GALNT13: variants seen among roughly 807,000 people sequenced by gnomAD.
GALNT13 encodes the protein polypeptide N-acetylgalactosaminyltransferase 13.
GALNT13 carries 28 observed loss-of-function variants against 64.2 expected under a neutral mutation model. The observed-to-expected ratio is 0.44, with a 90% confidence interval of 0.32 to 0.60. The LOEUF is 0.60. Among genes scored for constraint, GALNT13 ranks in the 20% least tolerant of loss-of-function variants. GALNT13 has a pLI of 0.05. For synonymous variants in GALNT13, 214 were observed against 224.6 expected (o/e 0.95, Z 0.42); for missense variants, 577 against 669.8 (o/e 0.86, Z 1.53).
At chr2:153,163,508 A>G in the GALNT13 span, among the ~76,000 whole-genome samples, 1 of 152,170 alleles carries the variant, frequency 6.6e-6, no homozygotes, top group Non-Finnish European at 1.5e-5. Flanking sequence ...GCACTGGTGA[A>G]TCTAGGCCTG....
At chr2:153,653,424 A>G in the GALNT13 span, among the ~76,000 whole-genome samples, 1 of 152,334 alleles carries the variant, frequency 6.6e-6, no homozygotes, top group East Asian at 1.9e-4. Context: ...TGAGTGAGAA[A>G]TTATTGTAAA....
intron 11 of GALNT13, among the ~76,000 whole-genome samples, chr2:154,431,905 T>C (rs1196457101): frequency 6.6e-6 from 1 of 152,180 alleles, no homozygotes; most frequent in Non-Finnish European, 1.5e-5. Context: ...ATTGTGAGCC[T>C]CCCCAGCTAT....
the GALNT13 span, among the ~76,000 whole-genome samples, chr2:153,780,054 G>A: frequency 1.3e-5 from 2 of 151,716 alleles, no homozygotes; most frequent in South Asian, 2.1e-4. Context: ...CGGGTGAACT[G>A]CCTTCTTATC....
the GALNT13 span, among the ~76,000 whole-genome samples, chr2:153,802,971 T>C: frequency 3.3e-5 from 5 of 152,258 alleles, no homozygotes; most frequent in Admixed American, 1.3e-4. Context: ...ATCTTGATTC[T>C]GCTACTTTCT....
the GALNT13 span, among the ~76,000 whole-genome samples, chr2:153,327,179 C>A: frequency 6.6e-6 from 1 of 152,186 alleles, no homozygotes; most frequent in African/African-American, 2.4e-5. Flanking sequence ...TGCTGTTAGT[C>A]TGATGGGCTT....
chr2:154,240,474 T>A (rs566650654), intron 4 of GALNT13, among the ~76,000 whole-genome samples: 1 of 152,308 alleles, frequency 6.6e-6, no homozygotes, highest in African/African-American at 2.4e-5. Context: ...AATTAGAATC[T>A]GCATTTGAAT....
At chr2:154,164,539 A>G (rs1684915451) in intron 4 of GALNT13, among the ~76,000 whole-genome samples, 1 of 152,140 alleles carries the variant, frequency 6.6e-6, no homozygotes, top group South Asian at 2.1e-4. Context: ...TAAACTTGGT[A>G]TCCAGAGAAA....
the GALNT13 span, among the ~76,000 whole-genome samples, chr2:153,364,990 T>C: frequency 6.6e-6 from 1 of 152,132 alleles, no homozygotes; most frequent in South Asian, 2.1e-4. Flanking sequence ...GACTTCAAAC[T>C]ACACTGGAAG....
chr2:154,098,090 C>CTTT (rs10673538), intron 3 of GALNT13, among the ~76,000 whole-genome samples: 20,775 of 134,454 alleles, frequency 0.15, 2,814 homozygotes, highest in East Asian at 0.71. Context: ...GCTTGTCTTT[C>CTTT]TTTTTTTTTT....
At chr2:153,299,595 T>C in the GALNT13 span, among the ~76,000 whole-genome samples, 2 of 152,222 alleles carry the variant, frequency 1.3e-5, no homozygotes, top group East Asian at 3.9e-4. Context: ...AGTCTCTCTC[T>C]CTTCCCATCC....
the GALNT13 span, among the ~76,000 whole-genome samples, chr2:153,147,815 T>C: frequency 1.3e-5 from 2 of 151,764 alleles, no homozygotes; most frequent in Admixed American, 6.6e-5. Context: ...CATTCATTAG[T>C]TGGTCTGCAA....
chr2:153,389,510 A>G, the GALNT13 span, among the ~76,000 whole-genome samples: 4 of 152,044 alleles, frequency 2.6e-5, no homozygotes, highest in African/African-American at 2.4e-5. Context: ...CTCATGGTAC[A>G]CTGATCACAT....
At chr2:153,655,227 C>A in the GALNT13 span, among the ~76,000 whole-genome samples, 1 of 151,916 alleles carries the variant, frequency 6.6e-6, no homozygotes, top group African/African-American at 2.4e-5. Context: ...ATTTATCCAC[C>A]CCAAAATACT....
At chr2:154,229,364 T>A (rs1159441081) in intron 4 of GALNT13, among the ~76,000 whole-genome samples, 3 of 151,594 alleles carry the variant, frequency 2.0e-5, no homozygotes, top group African/African-American at 2.4e-5. Context: ...TTTATATATA[T>A]ATATAATTTT....
chr2:154,183,265 T>TGAA (rs1448963420), intron 4 of GALNT13, among the ~76,000 whole-genome samples: 3 of 152,202 alleles, frequency 2.0e-5, no homozygotes. Flanking sequence ...ATTGTATGTT[T>TGAA]ATAGAAATTT....
chr2:153,792,970 C>CTTTTTTTTT, the GALNT13 span, among the ~76,000 whole-genome samples: 17 of 132,240 alleles, frequency 1.3e-4, no homozygotes, highest in Non-Finnish European at 2.5e-4. Context: ...TTCTTTCTTT[C>CTTTTTTTTT]TTTTTTTTTT....
chr2:154,007,337 G>A (rs1371746387), intron 3 of GALNT13, among the ~76,000 whole-genome samples: 3 of 149,732 alleles, frequency 2.0e-5, no homozygotes, highest in Admixed American at 6.6e-5. Context: ...AGCAAGGCCT[G>A]GCCAACACCT....
At chr2:153,872,536 G>A (rs1312933288) in intron 1 of GALNT13, among the ~76,000 whole-genome samples, 4 of 151,760 alleles carry the variant, frequency 2.6e-5, no homozygotes, top group Non-Finnish European at 4.4e-5. Context: ...CAGGTGTTGC[G>A]GGAGGACCGC....
At chr2:154,171,769 C>T (rs773071084) in intron 4 of GALNT13, among the ~76,000 whole-genome samples, 7 of 151,998 alleles carry the variant, frequency 4.6e-5, no homozygotes, top group Non-Finnish European at 5.9e-5. Context: ...ACTATTTCCA[C>T]TTGAGAGTTT....
Sources: allele counts gnomAD v4.1 joint callset (sites outside exome capture counted in the v4.1 genomes callset), GRCh38; gene constraint gnomAD v4.1.1; transcripts MANE v1.5; gene names NCBI Gene and HGNC (gene_info 2026-07-23, HGNC 2026-07-21).